The following PPP2R2D variants were observed in gnomAD, a reference collection of about 807,000 sequenced individuals.
PPP2R2D encodes protein phosphatase 2 regulatory subunit Bdelta.
PPP2R2D carries 9 observed loss-of-function variants against 31.1 expected under a neutral mutation model. The observed-to-expected ratio is 0.29, with a 90% CI of 0.17 to 0.51. The LOEUF is 0.51. PPP2R2D is among the 20% of genes least tolerant of loss of function. PPP2R2D has a pLI of 0.98. For missense variants in PPP2R2D, 391 were observed against 465.6 expected, an observed-to-expected ratio of 0.84 and a Z score of 1.48; for synonymous variants, 179 against 172.6, an observed-to-expected ratio of 1.04 and a Z score of -0.29.
chr10:131,902,985 C>T (rs1403493003), intron 2 of PPP2R2D, among the ~76,000 whole-genome samples: 1 of 151,866 alleles, frequency 6.6e-6, no homozygotes. Flanking sequence ...CTCCTGGGCT[C>T]AAGTGGTCTG....
downstream of PPP2R2D, among the ~76,000 whole-genome samples, chr10:131,960,468 C>T (rs1312991543): frequency 3.3e-5 from 5 of 152,180 alleles, no homozygotes; most frequent in South Asian, 2.1e-4. Flanking sequence ...ATGATGCCCT[C>T]GTGGACAGAC....
chr10:131,955,418 A>G (rs1386154537), intron 8 of PPP2R2D, among the ~76,000 whole-genome samples: 2 of 152,228 alleles, frequency 1.3e-5, no homozygotes, highest in Non-Finnish European at 2.9e-5. Context: ...GGTTGTTTCA[A>G]AAAATACACT....
At position 131,945,309 on chromosome 10, in the gene PPP2R2D, A is replaced by G; in HGVS notation, c.670A>G (p.Lys224Glu). The part of the protein sequence containing the change: ...TDRSFNIVDI[K>E]PANMEELTEV... ...TGCACTCCCAGACATCGTGGACATC[A>G]AGCCTGCTAACATGGAGGAGCTGAC... is the stretch of plus-strand genomic sequence containing the variant. Residue 224 changes from lysine to glutamate, a missense_variant, in exon 7 of 9, where the codon AAG becomes GAG. Physicochemically the swap from Lys to Glu is moderately conservative, Grantham distance 56 (BLOSUM62 1). Coordinates refer to ENST00000455566, the MANE Select transcript of PPP2R2D (RefSeq NM_018461.5). This position sits in a 1 kb window ranked among gnomAD's most constrained non-coding sequence, Gnocchi z 4.8. 1 of 1,613,826 alleles carries G rather than the reference A, an allele frequency of 6.2e-7. No homozygotes were observed. Among genetic ancestry groups the G allele is most frequent in the Non-Finnish European group, 8.5e-7 (1 of 1,179,800 alleles).
chr10:131,908,512 T>C (rs2035633558), intron 2 of PPP2R2D, among the ~76,000 whole-genome samples: 5 of 152,166 alleles, frequency 3.3e-5, no homozygotes, highest in Non-Finnish European at 5.9e-5. Context: ...TAGGCTCGTC[T>C]CTCCCACTGG....
downstream of PPP2R2D, among the ~76,000 whole-genome samples, chr10:131,960,314 T>C (rs1235642494): frequency 1.3e-5 from 2 of 152,354 alleles, no homozygotes; most frequent in African/African-American, 4.8e-5. Flanking sequence ...ACAGTTTTCA[T>C]TGATGAGGAT....
chr10:131,952,682 G>A (rs1564826232), intron 8 of PPP2R2D, among the ~76,000 whole-genome samples: 1 of 68,640 alleles, frequency 1.5e-5, no homozygotes, highest in Admixed American at 1.6e-4. Context: ...AGTGACTTTC[G>A]GGTGTGTGGG....
At chr10:131,960,840 T>C, downstream of PPP2R2D, among the ~76,000 whole-genome samples, 1 of 151,746 alleles carries the variant, frequency 6.6e-6, no homozygotes, top group South Asian at 2.1e-4. Flanking sequence ...CCAGCAGGAG[T>C]CCGGGCTGTG....
chr10:131,909,533 C>T (rs926119824), intron 2 of PPP2R2D, among the ~76,000 whole-genome samples: 252 of 152,270 alleles, frequency 1.7e-3, no homozygotes, highest in African/African-American at 5.5e-3. Flanking sequence ...CCTGTTGCAA[C>T]GACTGAATTC....
chr10:131,917,183 TG>T, intron 2 of PPP2R2D, among the ~76,000 whole-genome samples: 1 of 97,124 alleles, frequency 1.0e-5, no homozygotes, highest in Non-Finnish European at 2.2e-5. Context: ...ACACAGCGTT[TG>T]TAGGGACCTC....
At chr10:131,902,964 C>T (rs1020149991) in intron 2 of PPP2R2D, among the ~76,000 whole-genome samples, 178 of 152,134 alleles carry the variant, frequency 1.2e-3, no homozygotes, top group African/African-American at 3.8e-3. Flanking sequence ...GTTGCCCAGG[C>T]TGGTCTTGAA....
downstream of PPP2R2D, among the ~76,000 whole-genome samples, chr10:131,960,210 G>A (rs782714579): frequency 4.6e-5 from 7 of 152,146 alleles, no homozygotes; most frequent in Non-Finnish European, 1.0e-4. Flanking sequence ...CAACAGGCGC[G>A]GAGGAAGACG....
chr10:131,941,349 G>A (rs190372012), intron 5 of PPP2R2D, among the ~76,000 whole-genome samples: 64 of 152,332 alleles, frequency 4.2e-4, no homozygotes, highest in African/African-American at 1.4e-3. Context: ...CTGGTGCTAC[G>A]CACCACTGAT....
At chr10:131,934,157 C>T (rs2119819881) in intron 2 of PPP2R2D, among the ~76,000 whole-genome samples, 1 of 152,094 alleles carries the variant, frequency 6.6e-6, no homozygotes, top group East Asian at 1.9e-4. Context: ...GATGAATTTT[C>T]TAAATTTCTA....
intron 2 of PPP2R2D, among the ~76,000 whole-genome samples, chr10:131,902,161 C>T (rs1168802025): frequency 6.6e-6 from 1 of 152,104 alleles, no homozygotes; most frequent in African/African-American, 2.4e-5. Context: ...AGAACTTGGT[C>T]GAGTCTTAGA....
chr10:131,954,026 A>G (rs546591652), intron 8 of PPP2R2D, among the ~76,000 whole-genome samples: 4 of 152,148 alleles, frequency 2.6e-5, no homozygotes, highest in African/African-American at 9.7e-5. Flanking sequence ...CCTCAGCCCA[A>G]TCCTGATTCT....
chr10:131,926,921 G>T (rs9419319), intron 2 of PPP2R2D, among the ~76,000 whole-genome samples: 22,451 of 152,150 alleles, frequency 0.15, 1,853 homozygotes, highest in African/African-American at 0.21. Flanking sequence ...GTTGAAATGG[G>T]TGAACTTGCC....
intron 2 of PPP2R2D, among the ~76,000 whole-genome samples, chr10:131,929,261 A>C (rs1554895345): frequency 6.6e-6 from 1 of 152,110 alleles, no homozygotes. Context: ...CAGGCTGGAA[A>C]TGTTATCATG....
At chr10:131,928,874 G>A (rs368115041) in intron 2 of PPP2R2D, among the ~76,000 whole-genome samples, 13 of 152,220 alleles carry the variant, frequency 8.5e-5, no homozygotes, top group African/African-American at 3.1e-4. Flanking sequence ...AGGAGACATT[G>A]TCTCTCGGGA....
At position 131,958,124 on chromosome 10, in the gene PPP2R2D, A is replaced by T. The variant is rs2036846569; in HGVS notation, c.*2161A>T. The T allele has an allele frequency of 8.2e-6, 1 of 121,776 alleles. No homozygotes were observed. Among genetic ancestry groups the T allele is most frequent in the Non-Finnish European group, 1.6e-5 (1 of 64,332 alleles). 7.5% of individuals were successfully genotyped at this position (121,776 alleles called of 1,614,324 possible). ...CCTGTGGAGATGAAGGTGTGTGCTG[A>T]TCCCCGTCCCCCTGTGGAGATGAAG... On this transcript the variant is annotated 3_prime_UTR_variant, in exon 9 of 9. Transcript: ENST00000455566.
Sources: gnomAD v4.1 joint callset for allele counts (sites outside exome capture counted in the v4.1 genomes callset) on GRCh38, gnomAD v4.1.1 for gene constraint, Gnocchi (gnomAD v3.1) non-coding constraint, MANE v1.5 for transcripts, NCBI Gene and HGNC (gene_info 2026-07-23, HGNC 2026-07-21) for gene names.